Variants in ADHFE1 observed in about 807,000 individuals in gnomAD.
ADHFE1 encodes alcohol dehydrogenase iron containing 1.
A neutral mutation model predicts 54.8 loss-of-function variants in ADHFE1; 37 were observed. The ratio of observed to expected loss-of-function variants is 0.68; its 90% confidence interval spans 0.52 to 0.89. The LOEUF is 0.89. ADHFE1 is among the 40% of genes least tolerant of loss of function. The probability of loss-of-function intolerance (pLI) is 0.00; values close to 1 mark genes in which losing one functional copy is unlikely to be tolerated. For missense variants in ADHFE1, 601 were observed against 591.2 expected, an observed-to-expected ratio of 1.02 and a Z score of -0.17; for synonymous variants, 203 against 229.3, an observed-to-expected ratio of 0.89 and a Z score of 1.04.
At chr8:66,463,092 G>C (rs1253361149) in intron 13 of ADHFE1, among the ~76,000 whole-genome samples, 1 of 152,162 alleles carries the variant, frequency 6.6e-6, no homozygotes, top group Non-Finnish European at 1.5e-5. Context: ...AAAGTGCTGG[G>C]ATTACAGGCG....
At chr8:66,443,247 C>G (rs1805849769) in intron 3 of ADHFE1, among the ~76,000 whole-genome samples, 1 of 138,772 alleles carries the variant, frequency 7.2e-6, no homozygotes, top group Non-Finnish European at 1.6e-5. Flanking sequence ...AAGTCCCTGT[C>G]TCCTCCTAGT....
chr8:66,457,680 T>C (rs890934196), intron 12 of ADHFE1, among the ~76,000 whole-genome samples: 1 of 152,110 alleles, frequency 6.6e-6, no homozygotes, highest in Admixed American at 6.5e-5. Flanking sequence ...TTTTAAAATA[T>C]AAATATATGA....
Position 66,439,708 on chromosome 8 carries a change from A to G in ADHFE1, c.60-454A>G. ...GAGCCTGCCTGAAGAAAAATTAGAC[A>G]TCTTGAAGACACTGGGAAATATATA... On this transcript the variant is annotated intron_variant, in intron 1 of 13. Transcript: ENST00000396623. This position sits in a 1 kb window ranked among gnomAD's most constrained non-coding sequence, Gnocchi z 4.4. The G allele has an allele frequency of 1.0e-6, 1 of 989,158 alleles. No homozygotes were observed. Among genetic ancestry groups the G allele is most frequent in the Non-Finnish European group, 1.2e-6 (1 of 832,514 alleles). 61.3% of individuals were successfully genotyped at this position (989,158 alleles called of 1,614,324 possible).
intron 2 of ADHFE1, 113 bp downstream of exon 2, chr8:66,440,312 T>C: frequency 3.2e-6 from 3 of 945,650 alleles, no homozygotes; most frequent in Non-Finnish European, 4.9e-6. Context: ...GCAAGGTCCA[T>C]GAAAACAGTT....
chr8:66,455,707 C>A (rs1806546627), intron 10 of ADHFE1, among the ~76,000 whole-genome samples: 2 of 152,210 alleles, frequency 1.3e-5, no homozygotes, highest in African/African-American at 4.8e-5. Context: ...TTGAGCTGAG[C>A]CCAGGAGTTC....
chr8:66,440,704 A>T (rs1046482927), intron 2 of ADHFE1, among the ~76,000 whole-genome samples: 1 of 152,240 alleles, frequency 6.6e-6, no homozygotes, highest in Admixed American at 6.5e-5. Context: ...TTACCACAAC[A>T]TCTTAGTCAT....
At chr8:66,446,494 T>C (rs1806030415) in intron 6 of ADHFE1, among the ~76,000 whole-genome samples, 1 of 152,218 alleles carries the variant, frequency 6.6e-6, no homozygotes, top group African/African-American at 2.4e-5. Context: ...CTGCTATTAA[T>C]ACAGCACAGT....
chr8:66,463,214 G>A (rs1022789995), intron 13 of ADHFE1, among the ~76,000 whole-genome samples: 5 of 152,176 alleles, frequency 3.3e-5, no homozygotes, highest in African/African-American at 1.2e-4. Flanking sequence ...CACTAAAATA[G>A]CAACTTAATT....
chr8:66,438,886 G>A (rs185923331), intron 1 of ADHFE1, among the ~76,000 whole-genome samples: 1 of 152,134 alleles, frequency 6.6e-6, no homozygotes, highest in Admixed American at 6.5e-5. Flanking sequence ...AAGGTGGCGG[G>A]GGGTGTAGGG....
intron 6 of ADHFE1, 78 bp from the exon 7 acceptor site, chr8:66,447,186 C>A (rs1806077197): frequency 1.6e-6 from 2 of 1,246,132 alleles, no homozygotes; most frequent in South Asian, 1.4e-5. Flanking sequence ...TTTTGTTCCT[C>A]AGTCCTAAGG....
chr8:66,433,901 C>G (rs922355685), intron 1 of ADHFE1, among the ~76,000 whole-genome samples: 3 of 152,212 alleles, frequency 2.0e-5, no homozygotes, highest in South Asian at 2.1e-4. Flanking sequence ...TCATAGAACT[C>G]TTTGTCACAC....
At position 66,453,840 on chromosome 8, in the gene ADHFE1, C is replaced by T. The variant is rs940441055; in HGVS notation, c.888-219C>T. 620 of 1,495,768 alleles carry T rather than the reference C, an allele frequency of 4.1e-4. 3 individuals are homozygous for T. The highest frequency in any genetic ancestry group is 9.5e-5 in the Non-Finnish European group (106 of 1,110,226). The allele number at this position is 1,495,768 out of a possible 1,614,324, so 92.7% of individuals were successfully genotyped here. On this transcript the variant is annotated intron_variant, in intron 9 of 13. Transcript: ENST00000396623. ...TTTACATCACATGAGCAGCTGACAG[C>T]GTATTTATTATGCCTTTGCTGAAAC...
intron 1 of ADHFE1, 43 bp from the exon 2 acceptor site, chr8:66,440,119 T>A: frequency 6.2e-7 from 1 of 1,600,054 alleles, no homozygotes. Flanking sequence ...TGGTCTCTAT[T>A]TTCACCTTAG....
intron 9 of ADHFE1, chr8:66,453,681 C>G (rs757132315): frequency 7.3e-7 from 1 of 1,367,000 alleles, no homozygotes; most frequent in Non-Finnish European, 9.8e-7. Context: ...TAGCCCCGGG[C>G]ATCTGAGAAT....
At chr8:66,455,072 T>C (rs1271922653) in intron 10 of ADHFE1, among the ~76,000 whole-genome samples, 3 of 152,244 alleles carry the variant, frequency 2.0e-5, no homozygotes, top group African/African-American at 7.2e-5. Flanking sequence ...AATGGAATCA[T>C]AGAATATGTG....
rs375361083 is a variant in ADHFE1, at chr8:66,460,437, C to G, written c.1292C>G (p.Pro431Arg). ...GTTGGTTACTCCAAAGCTGATATCC[C>G]CGCACTAGTGAAAGGAACGCTGCCC... ...AAVGYSKADI[P>R]ALVKGTLPQE... The change falls in exon 13 of 14, where the codon CCC becomes CGC. Residue 431 changes from proline (P) to arginine (R), a missense_variant. By Grantham distance (103) the Pro-to-Arg change is moderately radical (BLOSUM62 -2). Transcript: ENST00000396623. The G allele has an allele frequency of 6.3e-6, 10 of 1,599,798 alleles. No individual in the cohort carries two copies. Among genetic ancestry groups the G allele is most frequent in the African/African-American group, 1.3e-5 (1 of 74,566 alleles).
intron 1 of ADHFE1, 155 bp downstream of exon 1, chr8:66,432,730 G>T: frequency 2.4e-6 from 3 of 1,232,550 alleles, no homozygotes; most frequent in Non-Finnish European, 3.0e-6. Flanking sequence ...GCGCCAGGCG[G>T]AACAGCGAGG....
chr8:66,461,340 T>A (rs961244482), intron 13 of ADHFE1, among the ~76,000 whole-genome samples: 2 of 152,124 alleles, frequency 1.3e-5, no homozygotes, highest in Non-Finnish European at 2.9e-5. Context: ...GCTAAGGCAT[T>A]CCCTGACCAT....
At chr8:66,447,407 T>A in intron 7 of ADHFE1, 66 bp downstream of exon 7, 2 of 1,302,754 alleles carry the variant, frequency 1.5e-6, no homozygotes, top group South Asian at 2.5e-5. Flanking sequence ...TAAATCCTAA[T>A]ATTTAAAAAT....
Sources: allele counts gnomAD v4.1 joint callset (sites outside exome capture counted in the v4.1 genomes callset), GRCh38; gene constraint gnomAD v4.1.1; non-coding constraint Gnocchi (gnomAD v3.1); transcripts MANE v1.5; gene names NCBI Gene and HGNC (gene_info 2026-07-23, HGNC 2026-07-21).